Variants in IRX2 observed in about 807,000 individuals in gnomAD.
The protein encoded by IRX2 is iroquois-class homeodomain protein IRX-2.
In IRX2, 26 loss-of-function variants were observed where a neutral mutation model predicts 42.9. That is an observed-to-expected ratio of 0.61 (90% CI 0.44 to 0.84). The LOEUF (loss-of-function observed/expected upper bound fraction) is 0.84, where lower values mean the gene tolerates loss of function less well. Ranked by LOEUF, IRX2 falls within the 40% of genes least tolerant of loss-of-function variation. IRX2 has a pLI of 0.00. For missense variants in IRX2, 782 were observed against 713.9 expected, an observed-to-expected ratio of 1.10 and a Z score of -1.09; for synonymous variants, 424 against 353.9, an observed-to-expected ratio of 1.20 and a Z score of -2.22.
rs145278917 is a variant in IRX2, at chr5:2,749,446, G to A, written c.591C>T (p.Thr197=). Residue 197 remains threonine, a synonymous_variant, in exon 2 of 4, where the codon ACC becomes ACT. Coordinates refer to ENST00000302057, the MANE Select transcript of IRX2 (RefSeq NM_033267.5). ...TGTCGGGACTCTCGTCCTTGCTTCT[G>A]GTAGCGTCGCCCTCGTCCTCGTCCT... ...EDEDEDEGDA[T]RSKDESPDKA... 85 of 1,614,122 alleles carry A rather than the reference G, an allele frequency of 5.3e-5. No homozygotes were observed. Among genetic ancestry groups the A allele is most frequent in the Non-Finnish European group, 6.6e-5 (78 of 1,179,992 alleles).
At chr5:2,745,407 A>T (rs541999527), downstream of IRX2, among the ~76,000 whole-genome samples, 2 of 152,348 alleles carry the variant, frequency 1.3e-5, no homozygotes, top group African/African-American at 4.8e-5. Flanking sequence ...ATATCCATAT[A>T]ATTTTGCTGA....
Position 2,749,678 on chromosome 5 carries a change from T to C in IRX2, c.359A>G (p.Asn120Ser). Residue 120 changes from asparagine to serine, a missense_variant, in exon 2 of 4, where the codon AAC becomes AGC. Asn to Ser is a conservative substitution (Grantham distance 46). Around this residue, in one of 3 missense-constraint regions of IRX2, gnomAD observed 256 missense variants for 250.0 expected, o/e 1.02. Coordinates refer to ENST00000302057, the MANE Select transcript of IRX2 (RefSeq NM_033267.5). Reference sequence around the variant, plus strand: ...AGTGGCCGTGGCGTCCCGCGTGGCGTTCTTGCGGTACGCGGGGTCGTTGAG... The same window carrying C: ...AGTGGCCGTGGCGTCCCGCGTGGCGCTCTTGCGGTACGCGGGGTCGTTGAG... ...YQLNDPAYRK[N>S]ATRDATATLK... The C allele has an allele frequency of 4.3e-6, 7 of 1,614,158 alleles. No individual in the cohort carries two copies. Among genetic ancestry groups the C allele is most frequent in the Non-Finnish European group, 5.9e-6 (7 of 1,180,028 alleles).
the IRX2 span, among the ~76,000 whole-genome samples, chr5:2,736,222 G>A: frequency 3.3e-5 from 5 of 152,218 alleles, no homozygotes; most frequent in African/African-American, 1.2e-4. Context: ...AGGTTCAGCA[G>A]GGATGCCTGC....
intron 2 of IRX2, 44 bp from the exon 3 acceptor site, chr5:2,749,096 A>T: frequency 6.3e-7 from 1 of 1,577,338 alleles, no homozygotes; most frequent in South Asian, 1.1e-5. Flanking sequence ...GGGACAGCGC[A>T]GGCACCTGGA....
chr5:2,745,679 T>C (rs373603121), downstream of IRX2, among the ~76,000 whole-genome samples: 5 of 152,194 alleles, frequency 3.3e-5, no homozygotes, highest in East Asian at 3.9e-4. Flanking sequence ...TTCCATAAAT[T>C]TGAATAATTA....
At chr5:2,743,730 A>G (rs1488897740), downstream of IRX2, among the ~76,000 whole-genome samples, 1 of 151,250 alleles carries the variant, frequency 6.6e-6, no homozygotes, top group African/African-American at 2.5e-5. Context: ...AGACCCCATT[A>G]ACTTCCCTCT....
rs1470709257 is a variant in IRX2, at chr5:2,749,727, C to G, written c.310G>C (p.Gly104Arg). The G allele has an allele frequency of 5.0e-6, 8 of 1,613,622 alleles. No homozygotes were observed. Among genetic ancestry groups the G allele is most frequent in the Middle Eastern group, 1.6e-4 (1 of 6,080 alleles). ...AGCTGGTACGGGTAGGCCGCGCTGC[C>G]GTACGGGTGGTAGCTGATGGCGCCG... ...MTGAISYHPY[G>R]SAAYPYQLND... The change falls in exon 2 of 4, where the codon GGC (glycine) becomes CGC (arginine). Residue 104 changes from glycine to arginine, a missense_variant. Gly to Arg is a moderately radical substitution (Grantham distance 125). Transcript: ENST00000302057.
rs1737856901 is a variant in IRX2 at position 2,749,689 on chromosome 5, C to G, written c.348G>C (p.Ala116=). 3.7e-6 allele frequency: 6 copies of G among 1,614,146 alleles called. No individual in the cohort carries two copies. The highest frequency in any genetic ancestry group is 5.1e-6 in the Non-Finnish European group (6 of 1,180,022). The stretch of plus-strand genomic sequence containing the variant: ...CGTCCCGCGTGGCGTTCTTGCGGTA[C>G]GCGGGGTCGTTGAGCTGGTACGGGT... ...AAYPYQLNDP[A]YRKNATRDAT... Residue 116 remains alanine (A), a synonymous_variant, in exon 2 of 4, where the codon GCG becomes GCC. Coordinates refer to ENST00000302057, the MANE Select transcript of IRX2 (RefSeq NM_033267.5).
the IRX2 span, among the ~76,000 whole-genome samples, chr5:2,738,047 A>C: frequency 3.3e-4 from 50 of 152,264 alleles, no homozygotes; most frequent in African/African-American, 1.1e-3. Context: ...TCGGCTGTGC[A>C]CCTGAATGTG....
chr5:2,736,892 A>G, the IRX2 span: 1 of 152,230 alleles, frequency 6.6e-6, no homozygotes, highest in Admixed American at 6.5e-5. Flanking sequence ...CTCATTTGAA[A>G]ACGTATTTTC....
Position 2,747,220 on chromosome 5 carries a change from G to A in IRX2, c.*344C>T, listed in dbSNP as rs1254323886. The A allele has an allele frequency of 1.3e-5, 2 of 156,646 alleles. No homozygotes were observed. The highest frequency in any genetic ancestry group is 2.4e-5 in the African/African-American group (1 of 41,272). 9.7% of individuals were successfully genotyped at this position (156,646 alleles called of 1,614,324 possible). A position where few individuals can be genotyped will look rare whatever the true frequency, so the allele number is the denominator to read the frequency against. ...TCTATTGTTTCAAAAGAAAACAACA[G>A]TAGTGTGTAATATATATATACACAT... On this transcript the variant is annotated 3_prime_UTR_variant, in exon 4 of 4. Transcript: ENST00000302057.
At position 2,746,700 on chromosome 5, in the gene IRX2, G is replaced by T. The variant is rs1433870802; in HGVS notation, c.*864C>A. On this transcript the variant is annotated 3_prime_UTR_variant, in exon 4 of 4. Transcript: ENST00000302057. ...GTCTGGATTTAGACATCTGTTTGTTGTATCTGTAAATTTATGAGCTTGGGA... is the reference window on the plus strand; with the variant it reads ...GTCTGGATTTAGACATCTGTTTGTTTTATCTGTAAATTTATGAGCTTGGGA... 2 of 143,584 alleles carry T rather than the reference G, an allele frequency of 1.4e-5. No individual in the cohort carries two copies. Among genetic ancestry groups the T allele is most frequent in the African/African-American group, 5.1e-5 (2 of 39,018 alleles). 8.9% of individuals were successfully genotyped at this position (143,584 alleles called of 1,614,324 possible).
In IRX2 at chr5:2,748,793, G is replaced by A. The variant is rs1357591100; in HGVS notation, c.915C>T (p.Arg305=). 5.6e-6 allele frequency: 8 copies of A among 1,417,960 alleles called. No individual in the cohort carries two copies. Among genetic ancestry groups the A allele is most frequent in the Non-Finnish European group, 7.3e-6 (8 of 1,099,586 alleles). The allele number at this position is 1,417,960 out of a possible 1,614,324, so 87.8% of individuals were successfully genotyped here. Residue 305 remains arginine, a synonymous_variant, in exon 3 of 4, where the codon CGC becomes CGT. Coordinates refer to ENST00000302057, the MANE Select transcript of IRX2 (RefSeq NM_033267.5). ...LLSPPPEAAP[R]GGRKTPQGSR... is the part of the protein sequence containing the mutation. ...TGCCCTGGGGCGTCTTGCGGCCACC[G>A]CGGGGCGCGGCCTCGGGCGGGGGGC...
chr5:2,748,365 C>T lies in IRX2; in HGVS notation c.1343G>A (p.Gly448Asp), dbSNP rs1241755339. ...PLESHYRSPG[G>D]GYEPKKDASE... Reference sequence around the variant, plus strand: ...CCTACCTTTCTTGGGCTCGTAGCCGCCGCCCGGGGACCGGTAGTGGGACTC... The same window carrying T: ...CCTACCTTTCTTGGGCTCGTAGCCGTCGCCCGGGGACCGGTAGTGGGACTC... Residue 448 changes from glycine to aspartate, a missense_variant, in exon 3 of 4, where the codon GGC (glycine) becomes GAC (aspartate). Gly to Asp is a moderately conservative substitution (Grantham distance 94). Coordinates refer to ENST00000302057, the MANE Select transcript of IRX2 (RefSeq NM_033267.5). The T allele has an allele frequency of 2.2e-5, 32 of 1,455,358 alleles. No homozygotes were observed. Among genetic ancestry groups the T allele is most frequent in the Non-Finnish European group, 2.9e-5 (32 of 1,112,180 alleles). 90.2% of individuals were successfully genotyped at this position (1,455,358 alleles called of 1,614,324 possible). A position where few individuals can be genotyped will look rare whatever the true frequency, so the allele number is the denominator to read the frequency against.
At chr5:2,741,093 C>T (rs533533883), downstream of IRX2, among the ~76,000 whole-genome samples, 3 of 152,372 alleles carry the variant, frequency 2.0e-5, no homozygotes, top group South Asian at 6.2e-4. Context: ...GCGCCCTTCC[C>T]GGCCTCAGGC....
At chr5:2,741,062 C>T (rs1737526841), downstream of IRX2, among the ~76,000 whole-genome samples, 1 of 152,270 alleles carries the variant, frequency 6.6e-6, no homozygotes, top group Non-Finnish European at 1.5e-5. Flanking sequence ...GGGACCCGCA[C>T]TCGCTCTGGG....
chr5:2,738,748 TC>T, the IRX2 span, among the ~76,000 whole-genome samples: 2 of 151,584 alleles, frequency 1.3e-5, no homozygotes, highest in Non-Finnish European at 2.9e-5. Context: ...CTCCTGTGCC[TC>T]CGGGACCGTC....
At chr5:2,740,178 CGT>C in the IRX2 span, among the ~76,000 whole-genome samples, 1 of 140,528 alleles carries the variant, frequency 7.1e-6, no homozygotes, top group South Asian at 2.3e-4. Flanking sequence ...GCAGTCGTGG[CGT>C]GCGGGGGCGG....
rs1241830183 is a variant in IRX2, at chr5:2,747,266, CTA to C, written c.*296_*297del. On this transcript the variant is annotated 3_prime_UTR_variant, in exon 4 of 4. Transcript: ENST00000302057. ...CACATGTACTATATATATACATGTA[CTA>C]TATATATACATATATATATTACACA... 1 of 187,508 alleles carries C rather than the reference CTA, an allele frequency of 5.3e-6. No individual in the cohort carries two copies. Among genetic ancestry groups the C allele is most frequent in the East Asian group, 1.2e-4 (1 of 8,528 alleles). The allele number at this position is 187,508 out of a possible 1,614,324, so 11.6% of individuals were successfully genotyped here.
Sources: gnomAD v4.1 joint callset for allele counts (sites outside exome capture counted in the v4.1 genomes callset) on GRCh38, gnomAD v4.1.1 for gene constraint, gnomAD v4.1.1 regional missense constraint, MANE v1.5 for transcripts, NCBI Gene and HGNC (gene_info 2026-07-23, HGNC 2026-07-21) for gene names.